Variants in FSIP1 observed in about 807,000 individuals in gnomAD.
The protein encoded by FSIP1 is fibrous sheath interacting protein 1, also known as fibrous sheath-interacting protein 1.
FSIP1 carries 65 observed loss-of-function variants against 60.9 expected under a neutral mutation model. The ratio of observed to expected loss-of-function variants is 1.07; its 90% CI spans 0.87 to 1.31. The LOEUF is 1.31. Ranked by LOEUF, FSIP1 falls within the 40% of genes most tolerant of loss-of-function variation. The pLI is 0.00. For synonymous variants in FSIP1, 209 were observed against 221.2 expected (o/e 0.94, Z 0.49); for missense variants, 675 against 665.5 (o/e 1.01, Z -0.16).
At chr15:39,742,041 A>G (rs1896821792) in intron 5 of FSIP1, 141 bp from the exon 6 acceptor site, 2 of 546,922 alleles carry the variant, frequency 3.7e-6, no homozygotes, top group Non-Finnish European at 6.6e-6. Flanking sequence ...TCTTAAGACA[A>G]TGTTAATGTC....
rs1217094647 is a variant in FSIP1, at chr15:39,665,080, C to T, written c.1189-46835G>A. On this transcript the variant is annotated intron_variant, in intron 10 of 11. Transcript: ENST00000350221. ...TCTATTAAGCCTTCCCCTTCTCCCA[C>T]CACTCCCATCGAAAGCTTCATTCAT... Among the ~76,000 whole-genome samples, 7 of 152,194 alleles carry T rather than the reference C, an allele frequency of 4.6e-5. No homozygotes were observed. In the South Asian group the frequency reaches 1.2e-3, roughly 27 times the overall value.
chr15:39,726,551 A>T (rs1480192822), intron 9 of FSIP1, 38 bp downstream of exon 9: 4 of 1,531,592 alleles, frequency 2.6e-6, no homozygotes, highest in Non-Finnish European at 3.6e-6. Flanking sequence ...CAGCTTTAGC[A>T]CACATTAACT....
chr15:39,745,264 C>A (rs189837291), intron 5 of FSIP1, among the ~76,000 whole-genome samples: 1 of 152,096 alleles, frequency 6.6e-6, no homozygotes, highest in African/African-American at 2.4e-5. Context: ...TATAGTAAAT[C>A]CTCTCTTAAT....
In FSIP1 at chr15:39,600,108, T is replaced by C. The variant is rs1015717538; in HGVS notation, c.*772A>G. 2 of 152,188 alleles carry C rather than the reference T, an allele frequency of 1.3e-5. No individual in the cohort carries two copies. Among genetic ancestry groups the C allele is most frequent in the Admixed American group, 6.5e-5 (1 of 15,278 alleles). The allele number at this position is 152,188 out of a possible 1,614,324, so 9.4% of individuals were successfully genotyped here. Reference sequence around the variant, plus strand: ...TTTTTGATTCAGAAATAAACTGGACTTCCAATTCTAATGCCAACTCATCTT... The same window carrying C: ...TTTTTGATTCAGAAATAAACTGGACCTCCAATTCTAATGCCAACTCATCTT... On this transcript the variant is annotated 3_prime_UTR_variant, in exon 12 of 12. Coordinates refer to ENST00000350221, the MANE Select transcript of FSIP1 (RefSeq NM_152597.5).
At chr15:39,690,171 A>G (rs1894539095) in intron 10 of FSIP1, among the ~76,000 whole-genome samples, 1 of 152,248 alleles carries the variant, frequency 6.6e-6, no homozygotes, top group South Asian at 2.1e-4. Context: ...ACTGGGAGCT[A>G]TGGCGAGAGA....
intron 10 of FSIP1, among the ~76,000 whole-genome samples, chr15:39,696,216 G>A (rs1894807358): frequency 6.6e-6 from 1 of 152,102 alleles, no homozygotes; most frequent in African/African-American, 2.4e-5. Context: ...TAACACTTTA[G>A]AGGTAGTAAA....
At chr15:39,701,755 A>G (rs751556223) in intron 10 of FSIP1, among the ~76,000 whole-genome samples, 11 of 152,370 alleles carry the variant, frequency 7.2e-5, no homozygotes, top group South Asian at 2.1e-4. Flanking sequence ...TCTGCAGTCT[A>G]CGTGGAACTG....
intron 10 of FSIP1, among the ~76,000 whole-genome samples, chr15:39,659,168 T>C (rs1317614568): frequency 2.0e-5 from 3 of 152,192 alleles, no homozygotes; most frequent in Non-Finnish European, 4.4e-5. Context: ...TGACTGCTAA[T>C]GGATATAAGG....
intron 10 of FSIP1, among the ~76,000 whole-genome samples, chr15:39,622,503 C>G (rs7497424): frequency 6.6e-6 from 1 of 152,178 alleles, no homozygotes; most frequent in Non-Finnish European, 1.5e-5. Context: ...CATCTTGCAT[C>G]TGGTTGGCAC....
chr15:39,772,429 A>T (rs1897919256), intron 2 of FSIP1, among the ~76,000 whole-genome samples: 1 of 151,678 alleles, frequency 6.6e-6, no homozygotes, highest in South Asian at 2.1e-4. Context: ...GACTAGCTGG[A>T]ACCACAGGCG....
intron 2 of FSIP1, among the ~76,000 whole-genome samples, chr15:39,774,481 A>G (rs1454578552): frequency 1.3e-5 from 2 of 152,128 alleles, no homozygotes; most frequent in Non-Finnish European, 2.9e-5. Flanking sequence ...ACTCAAAAAA[A>G]AAAAAAAATA....
At chr15:39,782,312 C>T (rs1029151809) in intron 1 of FSIP1, among the ~76,000 whole-genome samples, 2 of 152,140 alleles carry the variant, frequency 1.3e-5, no homozygotes, top group Non-Finnish European at 2.9e-5. Context: ...CTATTTGCAT[C>T]CTTTGCCGTT....
chr15:39,713,495 A>G lies in FSIP1; in HGVS notation c.1137T>C (p.His379=). The G allele has an allele frequency of 6.2e-7, 1 of 1,610,962 alleles. No homozygotes were observed. ...TTTCATCAATCTCTCTCAGCCGATT[A>G]TGCAGATCGCGTTGCTCTTTGGTGT... The part of the protein sequence containing the change: ...LRNTKEQRDL[H]NRLREIDEKL... The change falls in exon 10 of 12, where the codon CAT becomes CAC. Residue 379 remains histidine (H), a synonymous_variant. Coordinates refer to ENST00000350221, the MANE Select transcript of FSIP1 (RefSeq NM_152597.5).
intron 5 of FSIP1, among the ~76,000 whole-genome samples, chr15:39,760,667 T>C (rs1001121115): frequency 2.6e-5 from 4 of 152,020 alleles, no homozygotes; most frequent in African/African-American, 7.3e-5. Flanking sequence ...CTATCACAGA[T>C]TGGAGGAGAT....
chr15:39,656,188 C>CG (rs1893063327), intron 10 of FSIP1, among the ~76,000 whole-genome samples: 2 of 152,060 alleles, frequency 1.3e-5, no homozygotes, highest in Admixed American at 1.3e-4. Context: ...TTTGTGGTCA[C>CG]AGTTGACATA....
Position 39,715,575 on chromosome 15 carries a change from G to A in FSIP1, c.1051-1994C>T, listed in dbSNP as rs189525464. Among the ~76,000 whole-genome samples the A allele has an allele frequency of 9.9e-5, 15 of 152,274 alleles. No individual in the cohort carries two copies. The East Asian group carries it at 2.3e-3, about 23-fold the overall frequency. On this transcript the variant is annotated intron_variant, in intron 9 of 11. Coordinates refer to ENST00000350221, the MANE Select transcript of FSIP1 (RefSeq NM_152597.5). The stretch of plus-strand genomic sequence containing the variant: ...CTACCAAGCAAATTATTAAGAGTGC[G>A]TCAATTTCAAGAAGTGATTATTTTA...
chr15:39,681,898 C>A (rs1404686847), intron 10 of FSIP1, among the ~76,000 whole-genome samples: 10 of 152,148 alleles, frequency 6.6e-5, no homozygotes. Context: ...GATTTTGGCA[C>A]CAGGACCTAC....
chr15:39,730,573 A>C (rs774479685), intron 8 of FSIP1, among the ~76,000 whole-genome samples: 1 of 152,162 alleles, frequency 6.6e-6, no homozygotes, highest in Admixed American at 6.5e-5. Context: ...ATGCACAAAA[A>C]CTTTTATATT....
intron 10 of FSIP1, among the ~76,000 whole-genome samples, chr15:39,668,468 G>C (rs1893589307): frequency 6.6e-6 from 1 of 152,166 alleles, no homozygotes; most frequent in Admixed American, 6.5e-5. Context: ...CTGTCTTCAA[G>C]TTGAAATTTT....
Sources: gnomAD v4.1 joint callset for allele counts (sites outside exome capture counted in the v4.1 genomes callset) on GRCh38, gnomAD v4.1.1 for gene constraint, MANE v1.5 for transcripts, NCBI Gene and HGNC (gene_info 2026-07-23, HGNC 2026-07-21) for gene names.